DRC8: variants seen among roughly 807,000 people sequenced by gnomAD.
The protein encoded by DRC8 is dynein regulatory complex protein 8.
chr1:245,072,080 G>A, the DRC8 span, among the ~76,000 whole-genome samples: 20 of 152,170 alleles, frequency 1.3e-4, no homozygotes, highest in Non-Finnish European at 1.5e-5. Flanking sequence ...TTTTATTTAT[G>A]CAAAGGAATT....
At chr1:245,047,516 T>C in the DRC8 span, among the ~76,000 whole-genome samples, 3 of 151,626 alleles carry the variant, frequency 2.0e-5, no homozygotes, top group Non-Finnish European at 2.9e-5. Flanking sequence ...GCGCCTGTAA[T>C]TCCAGCTACT....
the DRC8 span, among the ~76,000 whole-genome samples, chr1:245,100,483 A>G: frequency 5.3e-5 from 8 of 152,012 alleles, no homozygotes; most frequent in Non-Finnish European, 8.8e-5. Flanking sequence ...ATGACCTTAA[A>G]AAAATACTAT....
the DRC8 span, among the ~76,000 whole-genome samples, chr1:245,050,408 C>T: frequency 3.3e-5 from 5 of 152,080 alleles, no homozygotes; most frequent in East Asian, 1.9e-4. Context: ...CCCTCATCCC[C>T]GTTTTCTACT....
the DRC8 span, among the ~76,000 whole-genome samples, chr1:245,058,905 G>A: frequency 6.6e-6 from 1 of 152,148 alleles, no homozygotes; most frequent in Non-Finnish European, 1.5e-5. Context: ...GTAGGCTTAT[G>A]CACACATTGA....
chr1:245,051,920 C>G, the DRC8 span, among the ~76,000 whole-genome samples: 2 of 150,040 alleles, frequency 1.3e-5, no homozygotes, highest in Non-Finnish European at 3.0e-5. Flanking sequence ...AGCTATAGGA[C>G]ATTCCTCTAA....
chr1:245,052,695 G>C, the DRC8 span, among the ~76,000 whole-genome samples: 1 of 152,236 alleles, frequency 6.6e-6, no homozygotes, highest in African/African-American at 2.4e-5. Context: ...CCTCTGGGGA[G>C]CACCCAGAAA....
chr1:245,071,886 A>G, the DRC8 span, among the ~76,000 whole-genome samples: 1 of 152,382 alleles, frequency 6.6e-6, no homozygotes, highest in Non-Finnish European at 1.5e-5. Flanking sequence ...CATTACAAGT[A>G]TGTCGTGAAA....
At chr1:245,009,066 C>T in the DRC8 span, among the ~76,000 whole-genome samples, 24 of 111,198 alleles carry the variant, frequency 2.2e-4, no homozygotes, top group Admixed American at 9.4e-4. Flanking sequence ...GACTGAGTCT[C>T]GCTCTGTCAC....
chr1:245,066,103 A>G, the DRC8 span, among the ~76,000 whole-genome samples: 164 of 152,142 alleles, frequency 1.1e-3, 2 homozygotes, highest in African/African-American at 3.9e-3. Flanking sequence ...CCACTCATCC[A>G]TCTACTTCTC....
chr1:245,088,800 T>C, the DRC8 span, among the ~76,000 whole-genome samples: 1 of 152,068 alleles, frequency 6.6e-6, no homozygotes. This position sits in a 1 kb window ranked among gnomAD's most constrained non-coding sequence, Gnocchi z 4.6. Context: ...TTTCAGCAGG[T>C]GAGCAGCAAG....
the DRC8 span, among the ~76,000 whole-genome samples, chr1:245,046,511 A>G: frequency 1.3e-5 from 2 of 152,194 alleles, no homozygotes; most frequent in Non-Finnish European, 2.9e-5. Context: ...CCATCTGGAC[A>G]TGTGCAGGGC....
the DRC8 span, among the ~76,000 whole-genome samples, chr1:244,975,418 C>T: frequency 3.9e-5 from 6 of 152,216 alleles, no homozygotes; most frequent in South Asian, 1.2e-3. Context: ...CTCTAATTAT[C>T]TGATCTTAGC....
At chr1:245,053,596 G>A in the DRC8 span, among the ~76,000 whole-genome samples, 17 of 152,372 alleles carry the variant, frequency 1.1e-4, no homozygotes, top group African/African-American at 3.1e-4. Flanking sequence ...TGAGGAAGCC[G>A]TGGTATTGTT....
the DRC8 span, among the ~76,000 whole-genome samples, chr1:245,032,010 T>A: frequency 1.3e-5 from 2 of 152,350 alleles, no homozygotes; most frequent in Admixed American, 6.5e-5. Context: ...TACCACTTTA[T>A]GCACAGAGCA....
the DRC8 span, among the ~76,000 whole-genome samples, chr1:244,985,736 C>T: frequency 5.9e-5 from 9 of 151,642 alleles, no homozygotes; most frequent in African/African-American, 2.2e-4. Context: ...TGGTGGCACA[C>T]ACCTGTAATC....
At chr1:245,000,039 G>C in the DRC8 span, among the ~76,000 whole-genome samples, 8 of 152,276 alleles carry the variant, frequency 5.3e-5, no homozygotes, top group South Asian at 1.7e-3. Flanking sequence ...GGCTGGTCTT[G>C]AACTCTTGAC....
chr1:245,092,870 CAGAG>C, the DRC8 span, among the ~76,000 whole-genome samples: 2 of 152,070 alleles, frequency 1.3e-5, no homozygotes, highest in Non-Finnish European at 2.9e-5. Flanking sequence ...GCCTGGGTGA[CAGAG>C]AGAGACCTTG....
At chr1:245,082,124 A>T in the DRC8 span, 1 of 1,613,042 alleles carries the variant, frequency 6.2e-7, no homozygotes. Flanking sequence ...GATTCGAAAA[A>T]TTTCTTCCGG....
At chr1:244,979,322 TGAG>T in the DRC8 span, among the ~76,000 whole-genome samples, 1 of 87,646 alleles carries the variant, frequency 1.1e-5, no homozygotes, top group East Asian at 5.6e-4. Flanking sequence ...TTTTTTTTTT[TGAG>T]ACGTAGTCTT....
Sources: gnomAD v4.1 joint callset for allele counts (sites outside exome capture counted in the v4.1 genomes callset) on GRCh38, gnomAD v4.1.1 for gene constraint, Gnocchi (gnomAD v3.1) non-coding constraint, MANE v1.5 for transcripts, NCBI Gene and HGNC (gene_info 2026-07-23, HGNC 2026-07-21) for gene names.